Variants in TRAK1 observed in about 807,000 individuals in gnomAD.
The protein encoded by TRAK1 is trafficking kinesin protein 1, also known as trafficking kinesin-binding protein 1.
A neutral mutation model predicts 92.1 loss-of-function variants in TRAK1; 33 were observed. The ratio of observed to expected loss-of-function variants is 0.36; its 90% CI spans 0.27 to 0.48. The LOEUF (loss-of-function observed/expected upper bound fraction) is 0.48. Ranked by LOEUF, TRAK1 falls within the 20% of genes least tolerant of loss-of-function variation. The pLI, the probability that TRAK1 is intolerant of heterozygous loss-of-function variation, is 0.99. For synonymous variants in TRAK1, 521 were observed against 517.3 expected, an observed-to-expected ratio of 1.01 and a Z score of -0.10; for missense variants, 1,123 against 1,257.9, an observed-to-expected ratio of 0.89 and a Z score of 1.62.
rs778708244 is a variant in TRAK1, at chr3:42,095,718, G to GTCATCGTCATCA, written c.91+4163_91+4164insGTCATCATCATC. Among the ~76,000 whole-genome samples, 63 of 151,302 alleles carry GTCATCGTCATCA rather than the reference G, an allele frequency of 4.2e-4. 1 individual carries two copies. In the South Asian group the frequency reaches 4.8e-3, roughly 12 times the overall value. On this transcript the variant is annotated intron_variant, in intron 1 of 15. Coordinates refer to ENST00000327628, the MANE Select transcript of TRAK1 (RefSeq NM_001042646.3). ...TATCCCATTGTTTGGCTTTATCATC[G>GTCATCGTCATCA]TCATCATCATCATCATCATCATCAT...
rs1384367968 is a variant in TRAK1, at chr3:42,202,925, C to T, written c.1744+173C>T. On this transcript the variant is annotated intron_variant, in intron 13 of 15. Transcript: ENST00000327628. The surrounding 1 kb of genome is among the most constrained non-coding windows in gnomAD (Gnocchi z 6.1). ...GAGGGTGGTGCTCAGCCTAGGCCTC[C>T]GTCCCTCCCCTCTGGCTGGCAGGTG... 3.6e-6 allele frequency: 5 copies of T among 1,404,640 alleles called. No homozygotes were observed. The highest frequency in any genetic ancestry group is 2.9e-5 in the Admixed American group (1 of 34,230). The allele number at this position is 1,404,640 out of a possible 1,614,324, so 87.0% of individuals were successfully genotyped here. A position where few individuals can be genotyped will look rare whatever the true frequency, so the allele number is the denominator to read the frequency against.
intron 1 of TRAK1, among the ~76,000 whole-genome samples, chr3:42,015,945 G>T (rs1185677543): frequency 6.6e-6 from 1 of 152,080 alleles, no homozygotes; most frequent in African/African-American, 2.4e-5. Context: ...GGTGAGTCAG[G>T]AGAATAGCTT....
At chr3:42,053,750 C>T (rs933702526) in intron 1 of TRAK1, among the ~76,000 whole-genome samples, 14 of 152,056 alleles carry the variant, frequency 9.2e-5, no homozygotes, top group African/African-American at 3.4e-4. Flanking sequence ...TCCATCATAC[C>T]GCCTTTCCCC....
At chr3:42,074,328 G>A (rs1007930656) in intron 1 of TRAK1, among the ~76,000 whole-genome samples, 18 of 152,178 alleles carry the variant, frequency 1.2e-4, no homozygotes, top group Non-Finnish European at 2.2e-4. Context: ...AAGAGTGCTG[G>A]GGCTGTCGAC....
intron 1 of TRAK1, among the ~76,000 whole-genome samples, chr3:42,017,084 A>AC (rs1701554235): frequency 6.6e-6 from 1 of 151,952 alleles, no homozygotes. Context: ...ACATGGTGAA[A>AC]CCCCGTCTCT....
At chr3:42,108,468 G>A (rs1015142278) in intron 1 of TRAK1, among the ~76,000 whole-genome samples, 1 of 148,802 alleles carries the variant, frequency 6.7e-6, no homozygotes, top group Non-Finnish European at 1.5e-5. Flanking sequence ...TCCAGCGTGG[G>A]TGACAGGAGT....
Position 42,194,916 on chromosome 3 carries a change from A to G in TRAK1, c.1088A>G (p.Tyr363Cys). 6.2e-7 allele frequency: 1 copy of G among 1,613,850 alleles called. No individual in the cohort carries two copies. The highest frequency in any genetic ancestry group is 8.5e-7 in the Non-Finnish European group (1 of 1,179,890). ...KTMPNTTSRR[Y>C]HSLGLFPMDS... ...ATGCCCAATACCACGTCTCGGCGCTACCACTCACTGGGCCTGTTTCCCATG... is the reference window on the plus strand; with the variant it reads ...ATGCCCAATACCACGTCTCGGCGCTGCCACTCACTGGGCCTGTTTCCCATG... Residue 363 changes from tyrosine (Y) to cysteine (C), a missense_variant, in exon 10 of 16, where the codon TAC becomes TGC. Transcript: ENST00000327628.
chr3:42,074,659 G>A (rs1704071169), intron 1 of TRAK1, among the ~76,000 whole-genome samples: 1 of 151,862 alleles, frequency 6.6e-6, no homozygotes, highest in Non-Finnish European at 1.5e-5. Flanking sequence ...ATGATCCCAA[G>A]GGTGAGTCTC....
intron 1 of TRAK1, among the ~76,000 whole-genome samples, chr3:42,116,964 G>T (rs1040358401): frequency 7.2e-5 from 11 of 152,180 alleles, no homozygotes; most frequent in African/African-American, 2.4e-4. Context: ...CCAGTGTGCA[G>T]ACTGGAGGCA....
intron 2 of TRAK1, among the ~76,000 whole-genome samples, chr3:42,136,632 GAAAAATAAATA>G (rs775040669): frequency 2.6e-4 from 39 of 149,196 alleles, no homozygotes; most frequent in Admixed American, 4.0e-4. Context: ...CAATACAAAA[GAAAAATAAATA>G]AAAAATAAAT....
At chr3:42,182,947 T>A (rs1704218426) in intron 3 of TRAK1, among the ~76,000 whole-genome samples, 1 of 152,214 alleles carries the variant, frequency 6.6e-6, no homozygotes, top group South Asian at 2.1e-4. Flanking sequence ...TACCTTCATT[T>A]AACAGTTGAG....
intron 2 of TRAK1, among the ~76,000 whole-genome samples, chr3:42,143,173 A>G (rs1018389910): frequency 2.6e-5 from 4 of 152,038 alleles, no homozygotes; most frequent in Non-Finnish European, 4.4e-5. Flanking sequence ...AATATCATGA[A>G]GTTACATAGA....
chr3:42,023,039 T>C (rs1362504691), intron 1 of TRAK1, among the ~76,000 whole-genome samples: 1 of 150,030 alleles, frequency 6.7e-6, no homozygotes, highest in African/African-American at 2.5e-5. Flanking sequence ...GCACCTGTAG[T>C]CCCAGCTACT....
At chr3:42,018,862 G>C (rs1404770113) in intron 1 of TRAK1, among the ~76,000 whole-genome samples, 1 of 152,292 alleles carries the variant, frequency 6.6e-6, no homozygotes, top group East Asian at 1.9e-4. Flanking sequence ...GGTGGCTTAC[G>C]CCTATAATCC....
At chr3:42,053,168 T>G (rs1389991652) in intron 1 of TRAK1, among the ~76,000 whole-genome samples, 1 of 152,214 alleles carries the variant, frequency 6.6e-6, no homozygotes, top group Non-Finnish European at 1.5e-5. Flanking sequence ...GTGAAGTCTT[T>G]TCTTTCCCGT....
At chr3:42,063,724 A>G (rs1559731861) in intron 1 of TRAK1, among the ~76,000 whole-genome samples, 1 of 151,722 alleles carries the variant, frequency 6.6e-6, no homozygotes, top group Admixed American at 6.6e-5. Flanking sequence ...CACACAGTGA[A>G]AAAAGCATAT....
intron 1 of TRAK1, among the ~76,000 whole-genome samples, chr3:42,055,702 G>C (rs975291966): frequency 1.3e-5 from 2 of 152,098 alleles, no homozygotes; most frequent in East Asian, 3.9e-4. Flanking sequence ...GGCTTCAAGC[G>C]ATCCTCCTTC....
At chr3:42,104,045 C>G (rs1369514309) in intron 1 of TRAK1, among the ~76,000 whole-genome samples, 3 of 152,184 alleles carry the variant, frequency 2.0e-5, no homozygotes, top group African/African-American at 7.2e-5. Context: ...TTGGAGGGTC[C>G]CACGCCCACG....
chr3:42,137,932 G>C (rs1334350204), intron 2 of TRAK1, among the ~76,000 whole-genome samples: 1 of 152,142 alleles, frequency 6.6e-6, no homozygotes, highest in Non-Finnish European at 1.5e-5. Flanking sequence ...ATGGTTCTCT[G>C]AATGTTTCTT....
Sources: allele counts gnomAD v4.1 joint callset (sites outside exome capture counted in the v4.1 genomes callset), GRCh38; gene constraint gnomAD v4.1.1; non-coding constraint Gnocchi (gnomAD v3.1); transcripts MANE v1.5; gene names NCBI Gene and HGNC (gene_info 2026-07-23, HGNC 2026-07-21).